HAGH: variants seen among roughly 807,000 people sequenced by gnomAD.
HAGH encodes the protein hydroxyacylglutathione hydrolase, mitochondrial.
HAGH carries 29 observed loss-of-function variants against 35.1 expected under a neutral mutation model. The observed-to-expected ratio is 0.83, with a 90% CI of 0.62 to 1.13. The LOEUF (loss-of-function observed/expected upper bound fraction) is 1.13, where lower values mean the gene tolerates loss of function less well. Among genes scored for constraint, HAGH ranks in the 50% most tolerant of loss-of-function variants. HAGH has a pLI of 0.00. For missense variants in HAGH, 478 were observed against 419.6 expected (o/e 1.14, Z -1.22); for synonymous variants, 225 against 176.1 (o/e 1.28, Z -2.20).
chr16:1,817,206 C>T lies in HAGH; in HGVS notation c.607G>A (p.Ala203Thr), dbSNP rs565183039. 2.5e-6 allele frequency: 4 copies of T among 1,613,354 alleles called. No homozygotes were observed. The South Asian group carries it at 3.3e-5, about 13-fold the overall frequency. ...AGCCGGCCCAAGACCTCCAGCAGAG[C>T]TTTACACATCTCATCCGCAGTCCCT... ...YEGTADEMCK[A>T]LLEVLGRLPP... The change falls in exon 6 of 9, where the codon GCT becomes ACT. Residue 203 changes from alanine to threonine, a missense_variant. Coordinates refer to ENST00000397356, the MANE Select transcript of HAGH (RefSeq NM_005326.6).
chr16:1,826,366 G>A (rs1368075293), intron 1 of HAGH: 2 of 180,142 alleles, frequency 1.1e-5, no homozygotes, highest in South Asian at 1.9e-4. Context: ...CCGGGGCCCT[G>A]CCCGCTGCGC....
chr16:1,813,864 C>G (rs995010431), intron 7 of HAGH, among the ~76,000 whole-genome samples: 1 of 152,174 alleles, frequency 6.6e-6, no homozygotes, highest in Admixed American at 6.6e-5. Context: ...TAGAGACCAA[C>G]GAAACAGAGC....
In HAGH at chr16:1,823,744, TAAAAAA is replaced by T. The variant is rs71145496; in HGVS notation, c.77-713_77-708del. ...GGTGACAAGACAATAACCTGTTCCTTAAAAAAAAAAAAAAAAAAAAAAAAAAAAAGG... is the reference window on the plus strand; with the variant it reads ...GGTGACAAGACAATAACCTGTTCCTTAAAAAAAAAAAAAAAAAAAAAAAGG... On this transcript the variant is annotated intron_variant, in intron 1 of 8. Coordinates refer to ENST00000397356, the MANE Select transcript of HAGH (RefSeq NM_005326.6). Among the ~76,000 whole-genome samples, 366 of 55,910 alleles carry T rather than the reference TAAAAAA, an allele frequency of 6.5e-3. 10 individuals carry two copies. In the East Asian group the frequency reaches 0.1, roughly 16 times the overall value. 36.7% of individuals were successfully genotyped at this position (55,910 alleles called of 152,430 possible).
chr16:1,809,010 T>A lies in HAGH; in HGVS notation c.*273A>T. On this transcript the variant is annotated 3_prime_UTR_variant, in exon 9 of 9. Coordinates refer to ENST00000397356, the MANE Select transcript of HAGH (RefSeq NM_005326.6). ...GCTCACGCCTGACCTGAAGCGTGGG[T>A]GGGGGGACTGCAGTGGCTCACGGAG... 4.5e-6 allele frequency: 2 copies of A among 446,308 alleles called. No homozygotes were observed. The highest frequency in any genetic ancestry group is 7.5e-5 in the South Asian group (2 of 26,658). 27.6% of individuals were successfully genotyped at this position (446,308 alleles called of 1,614,324 possible).
At chr16:1,819,771 C>G (rs1310975368) in intron 4 of HAGH, 126 bp downstream of exon 4, 2 of 708,978 alleles carry the variant, frequency 2.8e-6, no homozygotes, top group Admixed American at 4.2e-5. Flanking sequence ...CACGCTGCCA[C>G]AGAGGACCAC....
chr16:1,826,808 G>C lies in HAGH; in HGVS notation c.-21C>G. 1 of 1,217,738 alleles carries C rather than the reference G, an allele frequency of 8.2e-7. No individual in the cohort carries two copies. The highest frequency in any genetic ancestry group is 1.0e-6 in the Non-Finnish European group (1 of 974,668). 75.4% of individuals were successfully genotyped at this position (1,217,738 alleles called of 1,614,324 possible). A position where few individuals can be genotyped will look rare whatever the true frequency, so the allele number is the denominator to read the frequency against. On this transcript the variant is annotated 5_prime_UTR_variant, in exon 1 of 9. Transcript: ENST00000397356. ...ACCATGACCCGGGCCGGGCTGGACT[G>C]CCGAGCTGCCCAGGACTGCAAAACA...
At chr16:1,823,437 T>G (rs1264111805) in intron 1 of HAGH, among the ~76,000 whole-genome samples, 2 of 151,792 alleles carry the variant, frequency 1.3e-5, no homozygotes, top group African/African-American at 4.8e-5. Flanking sequence ...CCGGCTAATT[T>G]TTTGTATTTT....
chr16:1,822,852 C>T lies in HAGH; in HGVS notation c.249+13G>A. 4 of 1,609,094 alleles carry T rather than the reference C, an allele frequency of 2.5e-6. No individual in the cohort carries two copies. The highest frequency in any genetic ancestry group is 3.4e-6 in the Non-Finnish European group (4 of 1,176,110). On this transcript the variant is annotated intron_variant, in intron 2 of 8. Coordinates refer to ENST00000397356, the MANE Select transcript of HAGH (RefSeq NM_005326.6). The stretch of plus-strand genomic sequence containing the variant: ...TGACCAGGGCAGGGAGAGCCAGGCA[C>T]AGCCATGCGCACCTTCTGGGGCTGC...
At chr16:1,826,585 C>T (rs1898438079) in intron 1 of HAGH, 127 bp downstream of exon 1, 2 of 982,516 alleles carry the variant, frequency 2.0e-6, no homozygotes, top group South Asian at 4.6e-5. Context: ...TCGAGCCCGG[C>T]AGCGCGGCCT....
Position 1,814,662 on chromosome 16 carries a change from GGCC to G in HAGH, c.747+2228_747+2230del, listed in dbSNP as rs577745035. ...CGCCTGTAATCCCAGCACTTTGGGA[GGCC>G]GAGGCGGGTGGATCACGAGGTCAGG... On this transcript the variant is annotated intron_variant, in intron 7 of 8. Coordinates refer to ENST00000397356, the MANE Select transcript of HAGH (RefSeq NM_005326.6). Among the ~76,000 whole-genome samples the G allele has an allele frequency of 8.7e-3, 1,319 of 152,222 alleles. 81 individuals carry two copies. The East Asian group carries it at 0.18, about 21-fold the overall frequency.
intron 3 of HAGH, chr16:1,822,014 A>AGTGGGTC: frequency 2.6e-6 from 1 of 379,506 alleles, no homozygotes. Context: ...ATTGAGGCCA[A>AGTGGGTC]CGTGCCAGGG....
chr16:1,824,061 T>C, intron 1 of HAGH, among the ~76,000 whole-genome samples: 1 of 152,016 alleles, frequency 6.6e-6, no homozygotes, highest in East Asian at 1.9e-4. Context: ...GAGCCTGCGT[T>C]CCATGCAGTT....
chr16:1,824,566 A>C (rs554234281), intron 1 of HAGH, among the ~76,000 whole-genome samples: 9 of 152,344 alleles, frequency 5.9e-5, no homozygotes, highest in African/African-American at 2.2e-4. Context: ...AAACCACAGA[A>C]GGTGGCAGAG....
intron 4 of HAGH, 44 bp downstream of exon 4, chr16:1,819,850 GCTC>G (rs746273438): frequency 2.5e-6 from 3 of 1,186,990 alleles, no homozygotes; most frequent in African/African-American, 3.0e-5. Context: ...CCTCCCCCAC[GCTC>G]CTGACAGGGC....
chr16:1,826,482 C>G, intron 1 of HAGH: 1 of 872,850 alleles, frequency 1.1e-6, no homozygotes, highest in Non-Finnish European at 1.4e-6. Context: ...GAGGCCGCGG[C>G]GGACGCAGGC....
chr16:1,819,184 G>A lies in HAGH; in HGVS notation c.472C>T (p.His158Tyr), dbSNP rs749829882. ...AAGTAACAAATGTGTCCTGAAGTGT[G>A]GCACGGGGTCGCCAGGCACTTGACG... Reference protein sequence around the residue: ...LNVKCLATPCHTSGHICYFVS... With the variant: ...LNVKCLATPCYTSGHICYFVS... Residue 158 changes from histidine (H) to tyrosine (Y), a missense_variant, in exon 5 of 9, where the codon CAC (histidine) becomes TAC (tyrosine). Transcript: ENST00000397356. 4 of 1,612,934 alleles carry A rather than the reference G, an allele frequency of 2.5e-6. No individual in the cohort carries two copies. The highest frequency in any genetic ancestry group is 2.2e-5 in the South Asian group (2 of 91,012).
upstream of HAGH, chr16:1,827,000 G>C: frequency 1.5e-6 from 1 of 661,794 alleles, no homozygotes; most frequent in Non-Finnish European, 2.4e-6. Context: ...GAGCGGCGGC[G>C]GCGGCCCGAG....
Position 1,809,167 on chromosome 16 carries a change from G to T in HAGH, c.*116C>A. ...TGCATTAGAATGTCCGATAACACAA[G>T]CCAAGGGCTGTAAAATTAAGGTTAA... On this transcript the variant is annotated 3_prime_UTR_variant, in exon 9 of 9. Coordinates refer to ENST00000397356, the MANE Select transcript of HAGH (RefSeq NM_005326.6). 1 of 706,226 alleles carries T rather than the reference G, an allele frequency of 1.4e-6. No homozygotes were observed. The highest frequency in any genetic ancestry group is 2.5e-6 in the Non-Finnish European group (1 of 399,530). The allele number at this position is 706,226 out of a possible 1,614,324, so 43.7% of individuals were successfully genotyped here.
chr16:1,821,987 C>A, intron 3 of HAGH: 3 of 277,626 alleles, frequency 1.1e-5, no homozygotes, highest in East Asian at 5.7e-5. Flanking sequence ...CACCTGTAGA[C>A]TCATTTCCTC....
Sources: gnomAD v4.1 joint callset for allele counts (sites outside exome capture counted in the v4.1 genomes callset) on GRCh38, gnomAD v4.1.1 for gene constraint, MANE v1.5 for transcripts, NCBI Gene and HGNC (gene_info 2026-07-23, HGNC 2026-07-21) for gene names.